The following ADAMTS2 variants were observed in gnomAD, a reference collection of about 807,000 sequenced individuals.
ADAMTS2 encodes ADAM metallopeptidase with thrombospondin type 1 motif 2.
A neutral mutation model predicts 123.0 loss-of-function variants in ADAMTS2; 50 were observed. That is an observed-to-expected ratio of 0.41 (90% CI 0.32 to 0.51). The LOEUF (loss-of-function observed/expected upper bound fraction) is 0.51. Ranked by LOEUF, ADAMTS2 falls within the 20% of genes least tolerant of loss-of-function variation. The probability of loss-of-function intolerance (pLI) is 0.35; values close to 1 mark genes in which losing one functional copy is unlikely to be tolerated. For synonymous variants in ADAMTS2, 678 were observed against 695.4 expected (o/e 0.98, Z 0.39); for missense variants, 1,494 against 1,705.2 (o/e 0.88, Z 2.18).
intron 5 of ADAMTS2, among the ~76,000 whole-genome samples, chr5:179,163,755 T>C (rs1219423706): frequency 6.6e-6 from 1 of 152,196 alleles, no homozygotes; most frequent in Admixed American, 6.5e-5. Flanking sequence ...TGATTTGTGT[T>C]TTTGTTCTTG....
Position 179,121,709 on chromosome 5 carries a change from A to G in ADAMTS2, c.3130T>C (p.Trp1044Arg), listed in dbSNP as rs756604769. 2 of 1,595,886 alleles carry G rather than the reference A, an allele frequency of 1.3e-6. No individual in the cohort carries two copies. The highest frequency in any genetic ancestry group is 1.7e-6 in the Non-Finnish European group (2 of 1,171,308). The stretch of plus-strand genomic sequence containing the variant: ...GAGTCGGGGTCCGGGCGGGACAGCC[A>G]CTGAACTACGTAGCTCTTCTTGGAG... ...DPSKKSYVVQWLSRPDPDSPI... is the reference protein window; with the variant it reads ...DPSKKSYVVQRLSRPDPDSPI... Residue 1044 changes from tryptophan to arginine, a missense_variant, in exon 21 of 22, where the codon TGG becomes CGG. Around this residue, in one of 6 missense-constraint regions of ADAMTS2, gnomAD observed 953 missense variants for 1,124.7 expected, o/e 0.85. Coordinates refer to ENST00000251582, the MANE Select transcript of ADAMTS2 (RefSeq NM_014244.5).
At chr5:179,207,475 T>TCCCCCCCCCCCC in intron 4 of ADAMTS2, 38 bp downstream of exon 4, 2 of 588,618 alleles carry the variant, frequency 3.4e-6, no homozygotes, top group South Asian at 1.5e-5. Context: ...TGGTTGACCC[T>TCCCCCCCCCCCC]CCCCGCCCCA....
chr5:179,162,375 C>G lies in ADAMTS2; in HGVS notation c.976-3496G>C, dbSNP rs112193554. Among the ~76,000 whole-genome samples, 5 of 152,124 alleles carry G rather than the reference C, an allele frequency of 3.3e-5. No homozygotes were observed. The highest frequency in any genetic ancestry group is 7.2e-5 in the African/African-American group (3 of 41,440). ...AAGGTGTGAGGTGGGGGGCCTGCAG[C>G]GGCTGGAGCCCCCCTGCACTACAGG... On this transcript the variant is annotated intron_variant, in intron 5 of 21. Transcript: ENST00000251582. This position sits in a 1 kb window ranked among gnomAD's most constrained non-coding sequence, Gnocchi z 5.1.
rs115965106 is a variant in ADAMTS2, at chr5:179,306,732, G to A, written c.535-33668C>T. Among the ~76,000 whole-genome samples the A allele has an allele frequency of 4.2e-3, 638 of 152,270 alleles. 5 individuals are homozygous for A. The highest frequency in any genetic ancestry group is 0.014 in the African/African-American group (599 of 41,528). ...CCCCTAAAGCCTAGGGGAAGCGGGG[G>A]CCCTCCTGCTCCAGCCTCATGAAGC... On this transcript the variant is annotated intron_variant, in intron 2 of 21. Transcript: ENST00000251582.
At chr5:179,125,416 G>A (rs1762836278) in intron 18 of ADAMTS2, among the ~76,000 whole-genome samples, 1 of 152,232 alleles carries the variant, frequency 6.6e-6, no homozygotes, top group South Asian at 2.1e-4. Context: ...TCCCATGCAT[G>A]TCACCACTGG....
intron 3 of ADAMTS2, among the ~76,000 whole-genome samples, chr5:179,218,869 C>G (rs1158353074): frequency 2.0e-5 from 3 of 152,184 alleles, no homozygotes; most frequent in African/African-American, 7.2e-5. Context: ...CAGAACATAC[C>G]CCCGCACAGC....
rs562693247 is a variant in ADAMTS2 at position 179,240,711 on chromosome 5, G to A, written c.688+32200C>T. On this transcript the variant is annotated intron_variant, in intron 3 of 21. Transcript: ENST00000251582. Reference sequence around the variant, plus strand: ...TGTGTCAAATGAGTTCCCGTGACGCGTGTCAGTGCGTGTGGATCTTGCTGT... The same window carrying A: ...TGTGTCAAATGAGTTCCCGTGACGCATGTCAGTGCGTGTGGATCTTGCTGT... Among the ~76,000 whole-genome samples, 196 of 152,328 alleles carry A rather than the reference G, an allele frequency of 1.3e-3. 1 individual carries two copies. The highest frequency in any genetic ancestry group is 2.2e-3 in the Non-Finnish European group (149 of 68,036).
intron 2 of ADAMTS2, among the ~76,000 whole-genome samples, chr5:179,331,884 C>A (rs1461358604): frequency 6.6e-6 from 1 of 152,192 alleles, no homozygotes; most frequent in African/African-American, 2.4e-5. Context: ...TAGCTGGGTG[C>A]CCCACAGTTG....
chr5:179,154,388 G>A (rs963903867), intron 7 of ADAMTS2, among the ~76,000 whole-genome samples, 196 bp from the exon 8 acceptor site: 10 of 152,182 alleles, frequency 6.6e-5, no homozygotes, highest in African/African-American at 1.4e-4. Context: ...AGTGTCCAGC[G>A]GGCAGTCCCC....
At chr5:179,297,595 G>C (rs998066686) in intron 2 of ADAMTS2, among the ~76,000 whole-genome samples, 1 of 151,946 alleles carries the variant, frequency 6.6e-6, no homozygotes, top group Non-Finnish European at 1.5e-5. Flanking sequence ...TCAAGACCCC[G>C]GCTTCCCTCT....
rs547993198 is a variant in ADAMTS2 at position 179,260,793 on chromosome 5, C to T, written c.688+12118G>A. Among the ~76,000 whole-genome samples, 2 of 152,312 alleles carry T rather than the reference C, an allele frequency of 1.3e-5. No individual in the cohort carries two copies. Among genetic ancestry groups the T allele is most frequent in the South Asian group, 2.1e-4 (1 of 4,824 alleles). On this transcript the variant is annotated intron_variant, in intron 3 of 21. Transcript: ENST00000251582. The surrounding 1 kb of genome is among the most constrained non-coding windows in gnomAD (Gnocchi z 4.2). ...TGTACCTGCAGCGTGCTGGCAGACG[C>T]GGTCAACGGTAAGTGCTCCAGGAAC...
intron 7 of ADAMTS2, 25 bp from the exon 8 acceptor site, chr5:179,154,217 G>C: frequency 6.5e-7 from 1 of 1,540,850 alleles, no homozygotes; most frequent in Non-Finnish European, 8.7e-7. Flanking sequence ...GCAGCTGGCT[G>C]AATCCCACTG....
At chr5:179,315,651 G>A (rs906375130) in intron 2 of ADAMTS2, among the ~76,000 whole-genome samples, 8 of 152,242 alleles carry the variant, frequency 5.3e-5, no homozygotes, top group Non-Finnish European at 8.8e-5. Context: ...CCCATGGCAC[G>A]CAGAGGAAAA....
Position 179,126,136 on chromosome 5 carries a change from G to A in ADAMTS2, c.2618-6C>T, listed in dbSNP as rs755355365. The A allele has an allele frequency of 6.8e-6, 11 of 1,613,084 alleles. No individual in the cohort carries two copies. ...ATACTTGGTGAACTGGGACCCTGAA[G>A]GCAGAGAGCTCGACGGGGGTCGGTG... On this transcript the variant is annotated splice_polypyrimidine_tract_variant and splice_region_variant and intron_variant, in intron 17 of 21. Coordinates refer to ENST00000251582, the MANE Select transcript of ADAMTS2 (RefSeq NM_014244.5).
chr5:179,157,939 T>C (rs1285086643), intron 6 of ADAMTS2, among the ~76,000 whole-genome samples: 2 of 151,770 alleles, frequency 1.3e-5, no homozygotes, highest in Admixed American at 6.6e-5. Context: ...GTTTTTTCCA[T>C]TGAGTTCATG....
At chr5:179,219,536 G>C (rs1765077410) in intron 3 of ADAMTS2, among the ~76,000 whole-genome samples, 1 of 152,332 alleles carries the variant, frequency 6.6e-6, no homozygotes, top group Non-Finnish European at 1.5e-5. Context: ...GAGAAGGTCT[G>C]CAGTATTTAA....
In ADAMTS2 at chr5:179,130,708, G is replaced by A. The variant is rs1053604404; in HGVS notation, c.2291-610C>T. On this transcript the variant is annotated intron_variant, in intron 15 of 21. Coordinates refer to ENST00000251582, the MANE Select transcript of ADAMTS2 (RefSeq NM_014244.5). The surrounding 1 kb of genome is among the most constrained non-coding windows in gnomAD (Gnocchi z 4.3). ...GAAGCCCCATGCTCTCTGCAGTGTG[G>A]GGGGTGGCTGCTGCGGGGCAGCTGG... Among the ~76,000 whole-genome samples, 45 of 150,618 alleles carry A rather than the reference G, an allele frequency of 3.0e-4. No homozygotes were observed. Among genetic ancestry groups the A allele is most frequent in the African/African-American group, 1.1e-3 (44 of 41,342 alleles).
chr5:179,342,945 T>C (rs1027141191), intron 2 of ADAMTS2, among the ~76,000 whole-genome samples: 5 of 152,070 alleles, frequency 3.3e-5, no homozygotes, highest in Non-Finnish European at 5.9e-5. Context: ...GCGCAGGCAG[T>C]CTCAAAAGGG....
chr5:179,132,442 G>T lies in ADAMTS2; in HGVS notation c.2210-132C>A. The T allele has an allele frequency of 1.0e-6, 1 of 966,330 alleles. No homozygotes were observed. Among genetic ancestry groups the T allele is most frequent in the Non-Finnish European group, 1.6e-6 (1 of 626,856 alleles). The allele number at this position is 966,330 out of a possible 1,614,324, so 59.9% of individuals were successfully genotyped here. A position where few individuals can be genotyped will look rare whatever the true frequency, so the allele number is the denominator to read the frequency against. On this transcript the variant is annotated intron_variant, in intron 14 of 21. Coordinates refer to ENST00000251582, the MANE Select transcript of ADAMTS2 (RefSeq NM_014244.5). This position sits in a 1 kb window ranked among gnomAD's most constrained non-coding sequence, Gnocchi z 6.1. Reference sequence around the variant, plus strand: ...TCTCCCAGGACCCTGGTATTTCTCTGGCTTTGAGGACCCACCTGAGAGGGG... The same window carrying T: ...TCTCCCAGGACCCTGGTATTTCTCTTGCTTTGAGGACCCACCTGAGAGGGG...
Sources: allele counts gnomAD v4.1 joint callset (sites outside exome capture counted in the v4.1 genomes callset), GRCh38; gene constraint gnomAD v4.1.1; regional missense constraint gnomAD v4.1.1; non-coding constraint Gnocchi (gnomAD v3.1); transcripts MANE v1.5; gene names NCBI Gene and HGNC (gene_info 2026-07-23, HGNC 2026-07-21).